The following TERT variants were observed in gnomAD, a reference collection of about 807,000 sequenced individuals.
The protein encoded by TERT is telomerase reverse transcriptase.
A neutral mutation model predicts 104.0 loss-of-function variants in TERT; 42 were observed. The ratio of observed to expected loss-of-function variants is 0.40; its 90% confidence interval spans 0.32 to 0.52. The LOEUF (loss-of-function observed/expected upper bound fraction) is 0.52, where lower values mean the gene tolerates loss of function less well. Ranked by LOEUF, TERT falls within the 20% of genes least tolerant of loss-of-function variation. TERT has a pLI of 0.43. For missense variants in TERT, 1,101 were observed against 1,610.3 expected, an observed-to-expected ratio of 0.68 and a Z score of 5.41; for synonymous variants, 781 against 725.6, an observed-to-expected ratio of 1.08 and a Z score of -1.23.
At position 1,253,661 on chromosome 5, in the gene TERT, G is replaced by T; in HGVS notation, c.*67C>A. On this transcript the variant is annotated 3_prime_UTR_variant, in exon 16 of 16. Coordinates refer to ENST00000310581, the MANE Select transcript of TERT (RefSeq NM_198253.3). Reference sequence around the variant, plus strand: ...GGTGTGGGCCGCCCCTCCCTCCCTGGGACGTAGAGCCCGGCGTGACAGGGC... The same window carrying T: ...GGTGTGGGCCGCCCCTCCCTCCCTGTGACGTAGAGCCCGGCGTGACAGGGC... The T allele has an allele frequency of 7.1e-7, 1 of 1,404,758 alleles. No homozygotes were observed. The allele number at this position is 1,404,758 out of a possible 1,614,324, so 87.0% of individuals were successfully genotyped here.
chr5:1,253,578 C>A lies in TERT; in HGVS notation c.*150G>T, dbSNP rs1747487548. 77 of 686,812 alleles carry A rather than the reference C, an allele frequency of 1.1e-4. 5 individuals carry two copies. In the South Asian group the frequency reaches 1.3e-3, roughly 12 times the overall value. 42.5% of individuals were successfully genotyped at this position (686,812 alleles called of 1,614,324 possible). On this transcript the variant is annotated 3_prime_UTR_variant, in exon 16 of 16. Coordinates refer to ENST00000310581, the MANE Select transcript of TERT (RefSeq NM_198253.3). ...GCCGGACACTCAGCCTTCAGCCGGA[C>A]ATGCAGGCCTCGGCCAAACACTCAC...
At position 1,288,950 on chromosome 5, in the gene TERT, A is replaced by G. The variant is rs1349488727; in HGVS notation, c.1573+4363T>C. 1.3e-5 allele frequency among the ~76,000 whole-genome samples: 2 copies of G among 152,206 alleles called. No homozygotes were observed. The highest frequency in any genetic ancestry group is 2.9e-5 in the Non-Finnish European group (2 of 68,028). ...ACCAAGAAGAGCCGAGCATCAGAAA[A>G]GATAGGCTTGGGGACCAGCACTGCG... On this transcript the variant is annotated intron_variant, in intron 2 of 15. Transcript: ENST00000310581. This position sits in a 1 kb window ranked among gnomAD's most constrained non-coding sequence, Gnocchi z 5.3.
At chr5:1,294,728 C>A in intron 1 of TERT, 43 bp downstream of exon 1, 1 of 1,569,010 alleles carries the variant, frequency 6.4e-7, no homozygotes, top group Non-Finnish European at 8.6e-7. Context: ...TTCCCCCCGG[C>A]CGCCCTCAAC....
intron 7 of TERT, among the ~76,000 whole-genome samples, chr5:1,271,892 G>A (rs1398558395): frequency 6.6e-6 from 1 of 152,236 alleles, no homozygotes; most frequent in African/African-American, 2.4e-5. Flanking sequence ...TTGGCCTCAA[G>A]ATCAAAACTG....
Position 1,293,449 on chromosome 5 carries a change from G to C in TERT, c.1437C>G (p.Gly479=), listed in dbSNP as rs1378108036. 1 of 1,610,764 alleles carries C rather than the reference G, an allele frequency of 6.2e-7. No homozygotes were observed. Among genetic ancestry groups the C allele is most frequent in the Admixed American group, 1.7e-5 (1 of 59,730 alleles). ...LRRLVPPGLW[G]SRHNERRFLR... The stretch of plus-strand genomic sequence containing the variant: ...GGAAGCGGCGTTCGTTGTGCCTGGA[G>C]CCCCAGAGGCCTGGGGGCACCAGCC... Residue 479 remains glycine, a synonymous_variant, in exon 2 of 16, where the codon GGC becomes GGG. Transcript: ENST00000310581.
rs1339897276 is a variant in TERT at position 1,268,987 on chromosome 5, T to TC, written c.2469-355dup. ...CTTAACCGGACTCCTTTTTTTTTTT[T>TC]CAAGGAATTTGTCCACGGTGAAAGA... On this transcript the variant is annotated intron_variant, in intron 8 of 15. Coordinates refer to ENST00000310581, the MANE Select transcript of TERT (RefSeq NM_198253.3). This position sits in a 1 kb window ranked among gnomAD's most constrained non-coding sequence, Gnocchi z 5.5. 2.0e-5 allele frequency among the ~76,000 whole-genome samples: 3 copies of TC among 151,986 alleles called. No individual in the cohort carries two copies. Among genetic ancestry groups the TC allele is most frequent in the Non-Finnish European group, 2.9e-5 (2 of 67,990 alleles).
chr5:1,286,999 G>A lies in TERT; in HGVS notation c.1574-4375C>T, dbSNP rs981272417. Among the ~76,000 whole-genome samples, 58 of 152,150 alleles carry A rather than the reference G, an allele frequency of 3.8e-4. No individual in the cohort carries two copies. The highest frequency in any genetic ancestry group is 7.9e-4 in the Admixed American group (12 of 15,274). The stretch of plus-strand genomic sequence containing the variant: ...GATCAACACACACTCGGCAGGAAAC[G>A]CACATGGCAACCCAAGAGGTGGTGA... On this transcript the variant is annotated intron_variant, in intron 2 of 15. Transcript: ENST00000310581. This position sits in a 1 kb window ranked among gnomAD's most constrained non-coding sequence, Gnocchi z 5.3.
chr5:1,287,508 A>T lies in TERT; in HGVS notation c.1574-4884T>A, dbSNP rs201698416. Among the ~76,000 whole-genome samples the T allele has an allele frequency of 0.085, 12,003 of 140,480 alleles. 550 individuals are homozygous for T. Among genetic ancestry groups the T allele is most frequent in the Non-Finnish European group, 0.11 (7,093 of 65,414 alleles). The allele number at this position is 140,480 out of a possible 152,430, so 92.2% of individuals were successfully genotyped here. On this transcript the variant is annotated intron_variant, in intron 2 of 15. Coordinates refer to ENST00000310581, the MANE Select transcript of TERT (RefSeq NM_198253.3). This position sits in a 1 kb window ranked among gnomAD's most constrained non-coding sequence, Gnocchi z 4.3. ...CCAAGACTCTGTCTCAAAAAAAAAAAATATATATATATATATATAAATTAA... is the reference window on the plus strand; with the variant it reads ...CCAAGACTCTGTCTCAAAAAAAAAATATATATATATATATATATAAATTAA...
intron 2 of TERT, among the ~76,000 whole-genome samples, chr5:1,291,624 GGGACAGGGACACCCGGGGGCCACACC>G (rs1750980413): frequency 7.7e-6 from 1 of 129,888 alleles, no homozygotes; most frequent in African/African-American, 2.8e-5. Context: ...CACCCTGCAC[GGGACAGGGACACCCGGGGGCCACACC>G]TCAATCACGC....
Position 1,256,066 on chromosome 5 carries a change from A to C in TERT, c.3033-655T>G, listed in dbSNP as rs1251850865. On this transcript the variant is annotated intron_variant, in intron 13 of 15. Transcript: ENST00000310581. This position sits in a 1 kb window ranked among gnomAD's most constrained non-coding sequence, Gnocchi z 7.0. ...CACTCTGTCACCCAGGCTGCAGTAC[A>C]GTGGTGCAATCTCAGCTCACTGCAG... is the stretch of plus-strand genomic sequence containing the variant. 6.6e-6 allele frequency among the ~76,000 whole-genome samples: 1 copy of C among 152,146 alleles called. No individual in the cohort carries two copies. The highest frequency in any genetic ancestry group is 1.5e-5 in the Non-Finnish European group (1 of 68,024).
intron 6 of TERT, among the ~76,000 whole-genome samples, chr5:1,276,958 G>C (rs1292380063): frequency 1.3e-5 from 2 of 152,226 alleles, no homozygotes; most frequent in African/African-American, 4.8e-5. Flanking sequence ...GATTCACAGT[G>C]CACGCATGTG....
intron 2 of TERT, 21 bp downstream of exon 2, chr5:1,293,292 C>G (rs370503755): frequency 6.2e-7 from 1 of 1,611,496 alleles, no homozygotes; most frequent in Non-Finnish European, 8.5e-7. Context: ...CCTGGGCCCT[C>G]GACGGCCACC....
intron 10 of TERT, among the ~76,000 whole-genome samples, chr5:1,266,082 C>T (rs1007227062): frequency 1.3e-5 from 2 of 152,126 alleles, no homozygotes; most frequent in East Asian, 3.9e-4. Flanking sequence ...CTCAGGTGCA[C>T]CCTGGGGAGG....
chr5:1,292,512 G>A lies in TERT; in HGVS notation c.1573+801C>T, dbSNP rs541679121. ...TCTACCCTGTCCTGGCACAATCAACGAACACTTTTTTTTTTTAAAGACAGA... is the reference window on the plus strand; with the variant it reads ...TCTACCCTGTCCTGGCACAATCAACAAACACTTTTTTTTTTTAAAGACAGA... On this transcript the variant is annotated intron_variant, in intron 2 of 15. Coordinates refer to ENST00000310581, the MANE Select transcript of TERT (RefSeq NM_198253.3). The surrounding 1 kb of genome is among the most constrained non-coding windows in gnomAD (Gnocchi z 5.5). 1.6e-5 allele frequency among the ~76,000 whole-genome samples: 2 copies of A among 126,736 alleles called. No homozygotes were observed. Among genetic ancestry groups the A allele is most frequent in the Non-Finnish European group, 3.4e-5 (2 of 58,372 alleles). 83.1% of individuals were successfully genotyped at this position (126,736 alleles called of 152,430 possible).
In TERT at chr5:1,268,951, C is replaced by G. The variant is rs35883631; in HGVS notation, c.2469-318G>C. 2.0e-4 allele frequency among the ~76,000 whole-genome samples: 30 copies of G among 151,830 alleles called. No individual in the cohort carries two copies. The highest frequency in any genetic ancestry group is 3.8e-4 in the Non-Finnish European group (26 of 67,974). The stretch of plus-strand genomic sequence containing the variant: ...TATTCACAGAACCAGACACTTGACC[C>G]GGAATGAATGCTTAACCGGACTCCT... On this transcript the variant is annotated intron_variant, in intron 8 of 15. Coordinates refer to ENST00000310581, the MANE Select transcript of TERT (RefSeq NM_198253.3). The surrounding 1 kb of genome is among the most constrained non-coding windows in gnomAD (Gnocchi z 5.5).
chr5:1,280,893 G>A (rs1749978011), intron 3 of TERT, among the ~76,000 whole-genome samples: 1 of 152,384 alleles, frequency 6.6e-6, no homozygotes, highest in African/African-American at 2.4e-5. Context: ...GGGGGCACGG[G>A]GGCTGGAGCG....
At chr5:1,266,571 T>C in intron 9 of TERT, 36 bp from the exon 10 acceptor site, 2 of 1,520,784 alleles carry the variant, frequency 1.3e-6, no homozygotes, top group South Asian at 1.2e-5. Context: ...AGGTTAACTT[T>C]ACACTTTTTA....
Position 1,280,891 on chromosome 5 carries a change from G to A in TERT, c.1770-553C>T, listed in dbSNP as rs1040467315. 2.6e-5 allele frequency among the ~76,000 whole-genome samples: 4 copies of A among 152,358 alleles called. No homozygotes were observed. The East Asian group carries it at 5.8e-4, about 22-fold the overall frequency. The stretch of plus-strand genomic sequence containing the variant: ...CCCCCAAAACCACCCATGGGGGCAC[G>A]GGGGCTGGAGCGGCCACACCTGGAC... On this transcript the variant is annotated intron_variant, in intron 3 of 15. Coordinates refer to ENST00000310581, the MANE Select transcript of TERT (RefSeq NM_198253.3).
chr5:1,271,035 G>A (rs755306796), intron 8 of TERT, 84 bp downstream of exon 8: 29 of 1,121,000 alleles, frequency 2.6e-5, no homozygotes, highest in Non-Finnish European at 3.6e-5. Flanking sequence ...GGGCAGTGGG[G>A]AAGGGGCAGG....
Sources: gnomAD v4.1 joint callset for allele counts (sites outside exome capture counted in the v4.1 genomes callset) on GRCh38, gnomAD v4.1.1 for gene constraint, Gnocchi (gnomAD v3.1) non-coding constraint, MANE v1.5 for transcripts, NCBI Gene and HGNC (gene_info 2026-07-23, HGNC 2026-07-21) for gene names.